Variants in LRRC37A2 observed in about 807,000 individuals in gnomAD.
The protein encoded by LRRC37A2 is leucine-rich repeat-containing protein 37A2.
A neutral mutation model predicts 68.8 loss-of-function variants in LRRC37A2; 9 were observed. The observed-to-expected ratio is 0.13, with a 90% CI of 0.08 to 0.23. The LOEUF is 0.23. Ranked by LOEUF, LRRC37A2 falls within the 10% of genes least tolerant of loss-of-function variation. The pLI is 1.00. For synonymous variants in LRRC37A2, 63 were observed against 367.6 expected (o/e 0.17, Z 9.48); for missense variants, 168 against 950.4 (o/e 0.18, Z 10.82).
the LRRC37A2 span, among the ~76,000 whole-genome samples, chr17:46,974,078 T>C: frequency 6.6e-6 from 1 of 152,086 alleles, no homozygotes; most frequent in Non-Finnish European, 1.5e-5. Context: ...CCTCCCTACT[T>C]CCCCCGTTCT....
intron 11 of LRRC37A2, among the ~76,000 whole-genome samples, chr17:46,551,187 T>C (rs1423971281): frequency 6.7e-6 from 1 of 149,130 alleles, no homozygotes; most frequent in African/African-American, 2.6e-5. Context: ...TTAGAGATGC[T>C]CAGCTTGCAT....
At chr17:46,822,848 G>A in the LRRC37A2 span, among the ~76,000 whole-genome samples, 7 of 151,872 alleles carry the variant, frequency 4.6e-5, no homozygotes, top group Admixed American at 4.6e-4. Context: ...TGACATATGG[G>A]AGGCTGCCAG....
the LRRC37A2 span, chr17:46,851,788 A>G: frequency 3.8e-6 from 3 of 791,566 alleles, no homozygotes; most frequent in Admixed American, 4.4e-5. This position sits in a 1 kb window ranked among gnomAD's most constrained non-coding sequence, Gnocchi z 4.3. Flanking sequence ...AGCTGGGCCA[A>G]TTTTTCCCTC....
chr17:46,746,335 A>C, the LRRC37A2 span, among the ~76,000 whole-genome samples: 1 of 152,292 alleles, frequency 6.6e-6, no homozygotes, highest in South Asian at 2.1e-4. Context: ...TGTTTCTTTG[A>C]TCTGCATTGG....
At chr17:46,879,388 G>T in the LRRC37A2 span, among the ~76,000 whole-genome samples, 1 of 152,210 alleles carries the variant, frequency 6.6e-6, no homozygotes, top group Non-Finnish European at 1.5e-5. Context: ...GACCCTCCTT[G>T]TGATGTTTTT....
chr17:47,029,775 T>A, the LRRC37A2 span, among the ~76,000 whole-genome samples: 4 of 152,072 alleles, frequency 2.6e-5, no homozygotes, highest in South Asian at 2.1e-4. Context: ...GAGTCCCTCA[T>A]AAAAATCTGG....
the LRRC37A2 span, chr17:46,755,787 G>A: frequency 2.5e-6 from 4 of 1,595,846 alleles, no homozygotes; most frequent in South Asian, 2.2e-5. Flanking sequence ...TTGTGTTTTG[G>A]TATTTCTTTT....
chr17:46,693,425 A>C, the LRRC37A2 span, among the ~76,000 whole-genome samples: 13,472 of 140,752 alleles, frequency 0.096, no homozygotes, highest in Non-Finnish European at 0.15. Flanking sequence ...AGTGAGGGCC[A>C]GGGAGTGCGT....
the LRRC37A2 span, among the ~76,000 whole-genome samples, chr17:46,710,088 C>G: frequency 6.6e-6 from 1 of 152,102 alleles, no homozygotes; most frequent in Non-Finnish European, 1.5e-5. Context: ...TTCCATACAT[C>G]AGGTAATCAA....
the LRRC37A2 span, among the ~76,000 whole-genome samples, chr17:46,829,779 G>A: frequency 6.7e-6 from 1 of 148,354 alleles, no homozygotes; most frequent in African/African-American, 2.5e-5. Flanking sequence ...GGGGGTGGGG[G>A]CAAAGTGATG....
chr17:46,541,135 C>T (rs1452825171), intron 8 of LRRC37A2, among the ~76,000 whole-genome samples: 1 of 132,534 alleles, frequency 7.5e-6, no homozygotes, highest in Non-Finnish European at 1.5e-5. Flanking sequence ...CCACCATCAG[C>T]CCCTGTTAGC....
chr17:46,924,761 C>T, the LRRC37A2 span, among the ~76,000 whole-genome samples: 1 of 152,160 alleles, frequency 6.6e-6, no homozygotes. Context: ...GGACTTAAAA[C>T]TAGTCTGTGA....
chr17:46,783,968 C>A, the LRRC37A2 span, among the ~76,000 whole-genome samples: 2 of 152,164 alleles, frequency 1.3e-5, no homozygotes, highest in South Asian at 4.1e-4. Context: ...GCTGGGAAAG[C>A]GGCTGGGAGG....
chr17:47,011,963 G>T, the LRRC37A2 span, among the ~76,000 whole-genome samples: 1 of 152,248 alleles, frequency 6.6e-6, no homozygotes, highest in Admixed American at 6.6e-5. Flanking sequence ...TATAGTTACT[G>T]ATTTTTTTCT....
the LRRC37A2 span, among the ~76,000 whole-genome samples, chr17:46,825,161 G>A: frequency 6.6e-6 from 1 of 152,358 alleles, no homozygotes; most frequent in Non-Finnish European, 1.5e-5. Flanking sequence ...CCAGCTCCTA[G>A]CATGGCTGTG....
At chr17:46,971,813 C>T in the LRRC37A2 span, among the ~76,000 whole-genome samples, 2 of 152,214 alleles carry the variant, frequency 1.3e-5, no homozygotes, top group Non-Finnish European at 2.9e-5. Flanking sequence ...CCCCACTCAC[C>T]CATCTAACAT....
At chr17:46,960,597 C>A in the LRRC37A2 span, among the ~76,000 whole-genome samples, 1 of 152,092 alleles carries the variant, frequency 6.6e-6, no homozygotes, top group Admixed American at 6.6e-5. Context: ...GGATACAACC[C>A]AAATATCCTT....
the LRRC37A2 span, among the ~76,000 whole-genome samples, chr17:46,836,795 A>G: frequency 6.6e-6 from 1 of 152,208 alleles, no homozygotes; most frequent in Non-Finnish European, 1.5e-5. Context: ...CTGTTGACAC[A>G]CAAGTATGCT....
the LRRC37A2 span, among the ~76,000 whole-genome samples, chr17:46,635,949 T>C: frequency 2.5e-5 from 2 of 80,334 alleles, no homozygotes; most frequent in Non-Finnish European, 5.2e-5. Flanking sequence ...CTCTACTCTT[T>C]CCTAATAGTA....
Sources: gnomAD v4.1 joint callset for allele counts (sites outside exome capture counted in the v4.1 genomes callset) on GRCh38, gnomAD v4.1.1 for gene constraint, Gnocchi (gnomAD v3.1) non-coding constraint, MANE v1.5 for transcripts, NCBI Gene and HGNC (gene_info 2026-07-23, HGNC 2026-07-21) for gene names.